The following ADAM12 variants were observed in gnomAD, a reference collection of about 807,000 sequenced individuals.
ADAM12 encodes the protein disintegrin and metalloproteinase domain-containing protein 12.
In ADAM12, 70 loss-of-function variants were observed where a neutral mutation model predicts 106.4. That is an observed-to-expected ratio of 0.66 (90% CI 0.54 to 0.80). ADAM12 has a LOEUF of 0.80. ADAM12 is among the 30% of genes least tolerant of loss of function. ADAM12 has a pLI of 0.00. For missense variants in ADAM12, 1,010 were observed against 1,171.9 expected, an observed-to-expected ratio of 0.86 and a Z score of 2.02; for synonymous variants, 420 against 433.5, an observed-to-expected ratio of 0.97 and a Z score of 0.39.
intron 3 of ADAM12, among the ~76,000 whole-genome samples, chr10:126,177,689 T>C (rs1957243521): frequency 6.6e-6 from 1 of 152,204 alleles, no homozygotes; most frequent in South Asian, 2.1e-4. Flanking sequence ...AGAATGCGGA[T>C]ACAAATCGGC....
chr10:126,358,946 GA>G (rs1855644266), intron 1 of ADAM12, among the ~76,000 whole-genome samples: 1 of 152,180 alleles, frequency 6.6e-6, no homozygotes, highest in Non-Finnish European at 1.5e-5. Flanking sequence ...ATTTACAAAA[GA>G]AAGCGGTTTA....
intron 3 of ADAM12, among the ~76,000 whole-genome samples, chr10:126,228,239 A>G (rs2133864433): frequency 6.6e-6 from 1 of 152,352 alleles, no homozygotes; most frequent in South Asian, 2.1e-4. Flanking sequence ...ATATGCCAAC[A>G]AACGATTGGT....
chr10:126,124,510 C>T (rs1256307046), intron 5 of ADAM12, among the ~76,000 whole-genome samples: 1 of 152,126 alleles, frequency 6.6e-6, no homozygotes, highest in Non-Finnish European at 1.5e-5. Flanking sequence ...TTGCCCGTGG[C>T]TCCCATTTCA....
chr10:126,020,151 C>T (rs986772934), intron 21 of ADAM12, among the ~76,000 whole-genome samples: 1 of 152,166 alleles, frequency 6.6e-6, no homozygotes, highest in Admixed American at 6.5e-5. Context: ...GGCGGCTTCT[C>T]TGTTCACCCT....
At chr10:126,368,662 T>TTGTTG (rs56001042) in intron 1 of ADAM12, among the ~76,000 whole-genome samples, 1 of 148,632 alleles carries the variant, frequency 6.7e-6, no homozygotes, top group African/African-American at 2.6e-5. Flanking sequence ...TGTTGTTGTT[T>TTGTTG]TTTTTTGCCT....
chr10:126,036,240 G>C lies in ADAM12; in HGVS notation c.2435C>G (p.Thr812Ser). The stretch of plus-strand genomic sequence containing the variant: ...GTGGAGGGGAGGAAGCACTCGCTGA[G>C]TTGACTGGGGCTGAGGGACATTCAG... ...NGLNVPQPQSTQRVLPPLHRA... is the reference protein window; with the variant it reads ...NGLNVPQPQSSQRVLPPLHRA... Residue 812 changes from threonine to serine, a missense_variant, in exon 21 of 23, where the codon ACT becomes AGT. Thr to Ser is a moderately conservative substitution (Grantham distance 58). Around this residue, in one of 3 missense-constraint regions of ADAM12, gnomAD observed 615 missense variants for 708.5 expected, o/e 0.87. Transcript: ENST00000448723. 6.4e-7 allele frequency: 1 copy of C among 1,554,118 alleles called. No individual in the cohort carries two copies. Among genetic ancestry groups the C allele is most frequent in the Non-Finnish European group, 8.7e-7 (1 of 1,155,846 alleles).
At chr10:126,240,531 G>A (rs1958501580) in intron 3 of ADAM12, among the ~76,000 whole-genome samples, 1 of 152,224 alleles carries the variant, frequency 6.6e-6, no homozygotes, top group African/African-American at 2.4e-5. Flanking sequence ...AAAATGCTAG[G>A]AAAGACTGAG....
intron 9 of ADAM12, among the ~76,000 whole-genome samples, chr10:126,100,470 G>A (rs1955641561): frequency 1.3e-5 from 2 of 151,634 alleles, no homozygotes; most frequent in South Asian, 4.2e-4. Context: ...TTGGGAGGCC[G>A]AGGTGGGCGG....
chr10:126,042,044 A>T, intron 18 of ADAM12: 1 of 1,527,226 alleles, frequency 6.5e-7, no homozygotes, highest in Non-Finnish European at 8.8e-7. Context: ...AAAGCCACAG[A>T]GTCAATGCTG....
At chr10:126,321,366 C>T (rs1854088807) in intron 2 of ADAM12, among the ~76,000 whole-genome samples, 1 of 151,924 alleles carries the variant, frequency 6.6e-6, no homozygotes, top group Non-Finnish European at 1.5e-5. Context: ...GGAAAAGGTA[C>T]AGAATCTAAG....
chr10:126,316,246 C>G (rs1020544364), intron 2 of ADAM12, among the ~76,000 whole-genome samples: 1 of 152,162 alleles, frequency 6.6e-6, no homozygotes, highest in East Asian at 1.9e-4. Context: ...GGCAAAATAT[C>G]TCTATCACTT....
intron 3 of ADAM12, among the ~76,000 whole-genome samples, chr10:126,174,507 A>G (rs1309132498): frequency 7.9e-5 from 12 of 151,868 alleles, no homozygotes; most frequent in Admixed American, 6.6e-4. Context: ...CATTTTCCCT[A>G]TATTTTTATT....
At chr10:126,138,856 T>C (rs541513044) in intron 4 of ADAM12, among the ~76,000 whole-genome samples, 1 of 151,762 alleles carries the variant, frequency 6.6e-6, no homozygotes, top group Admixed American at 6.6e-5. Flanking sequence ...AGCTATTATA[T>C]TTACATCTTT....
intron 2 of ADAM12, among the ~76,000 whole-genome samples, chr10:126,281,824 T>A (rs1273222530): frequency 2.0e-5 from 3 of 152,234 alleles, no homozygotes; most frequent in Non-Finnish European, 4.4e-5. Context: ...TAACTGCTAA[T>A]CAATGGGCCA....
intron 14 of ADAM12, among the ~76,000 whole-genome samples, chr10:126,052,605 G>A (rs1400800851): frequency 6.6e-6 from 1 of 152,160 alleles, no homozygotes; most frequent in Non-Finnish European, 1.5e-5. Flanking sequence ...ACAGCAGCCT[G>A]GGAGGAGAGT....
rs1854780488 is a variant in ADAM12, at chr10:126,338,245, C to CTTTT, written c.89-7737_89-7736insAAAA. On this transcript the variant is annotated intron_variant, in intron 1 of 22. Transcript: ENST00000448723. ...CAAAGTCACTTACAACAGTAACTTA[C>CTTTT]ATTTTTTTTTTTTTTTTTTTTTTTT... Among the ~76,000 whole-genome samples the CTTTT allele has an allele frequency of 1.5e-4, 16 of 106,338 alleles. No individual in the cohort carries two copies. In the South Asian group the frequency reaches 3.1e-3, roughly 21 times the overall value. The allele number at this position is 106,338 out of a possible 152,430, so 69.8% of individuals were successfully genotyped here.
chr10:126,334,725 T>C (rs1854636217), intron 1 of ADAM12, among the ~76,000 whole-genome samples: 1 of 152,162 alleles, frequency 6.6e-6, no homozygotes, highest in Admixed American at 6.5e-5. Context: ...CTAGCCAACC[T>C]TCCTTTGGTA....
intron 5 of ADAM12, among the ~76,000 whole-genome samples, chr10:126,134,272 A>T (rs1956363384): frequency 6.6e-6 from 1 of 152,222 alleles, no homozygotes; most frequent in Non-Finnish European, 1.5e-5. Flanking sequence ...GTGTGTGTTC[A>T]CTCAATGATT....
intron 5 of ADAM12, among the ~76,000 whole-genome samples, chr10:126,126,246 G>T (rs1956204167): frequency 6.6e-6 from 1 of 152,072 alleles, no homozygotes; most frequent in Admixed American, 6.6e-5. Flanking sequence ...CAGCACTAAT[G>T]CTGGGGATGA....
Sources: gnomAD v4.1 joint callset for allele counts (sites outside exome capture counted in the v4.1 genomes callset) on GRCh38, gnomAD v4.1.1 for gene constraint, gnomAD v4.1.1 regional missense constraint, MANE v1.5 for transcripts, NCBI Gene and HGNC (gene_info 2026-07-23, HGNC 2026-07-21) for gene names.